Variants in DOCK7 observed in about 807,000 individuals in gnomAD.
The protein encoded by DOCK7 is dedicator of cytokinesis protein 7.
DOCK7 carries 138 observed loss-of-function variants against 271.0 expected under a neutral mutation model. That is an observed-to-expected ratio of 0.51 (90% CI 0.44 to 0.59). The LOEUF is 0.59. DOCK7 is among the 20% of genes least tolerant of loss of function. DOCK7 has a pLI of 0.00. For missense variants in DOCK7, 2,066 were observed against 2,592.4 expected, an observed-to-expected ratio of 0.80 and a Z score of 4.41; for synonymous variants, 823 against 876.1, an observed-to-expected ratio of 0.94 and a Z score of 1.07.
intron 14 of DOCK7, among the ~76,000 whole-genome samples, chr1:62,600,273 T>C (rs946891580): frequency 6.6e-6 from 1 of 151,748 alleles, no homozygotes; most frequent in South Asian, 2.1e-4. Context: ...CATTTAACTT[T>C]CTCATATTTA....
chr1:62,672,724 T>G (rs1268404345), intron 1 of DOCK7, among the ~76,000 whole-genome samples: 3 of 152,124 alleles, frequency 2.0e-5, no homozygotes, highest in Non-Finnish European at 4.4e-5. Context: ...ATTTTATAAT[T>G]AAAAAATAGA....
At chr1:62,663,374 T>C (rs1658907265) in intron 1 of DOCK7, among the ~76,000 whole-genome samples, 1 of 152,172 alleles carries the variant, frequency 6.6e-6, no homozygotes, top group South Asian at 2.1e-4. Context: ...AGGTTTTTTC[T>C]TATATGGCAT....
chr1:62,602,388 G>T, intron 14 of DOCK7: 1 of 1,606,084 alleles, frequency 6.2e-7, no homozygotes, highest in Non-Finnish European at 8.5e-7. Context: ...ATGGTAAGGG[G>T]ACTACATTCA....
intron 1 of DOCK7, among the ~76,000 whole-genome samples, chr1:62,665,579 G>T (rs1453911874): frequency 6.6e-6 from 1 of 150,780 alleles, no homozygotes; most frequent in Non-Finnish European, 1.5e-5. Context: ...TGGTGCCTTG[G>T]CTGTAGTCCC....
chr1:62,485,643 A>C (rs1322181830), intron 43 of DOCK7: 1 of 985,320 alleles, frequency 1.0e-6, no homozygotes, highest in Non-Finnish European at 1.2e-6. Flanking sequence ...AAAAATATAC[A>C]CAAGATAGAA....
chr1:62,591,506 T>C (rs1648446094), intron 14 of DOCK7, among the ~76,000 whole-genome samples: 1 of 151,964 alleles, frequency 6.6e-6, no homozygotes, highest in Admixed American at 6.6e-5. Context: ...TTAAAAAAAG[T>C]ATTAATCTAC....
chr1:62,536,211 A>G (rs1401217215), intron 28 of DOCK7, among the ~76,000 whole-genome samples: 1 of 152,164 alleles, frequency 6.6e-6, no homozygotes, highest in Non-Finnish European at 1.5e-5. Context: ...GCAACAATAG[A>G]TTTCACATTT....
intron 21 of DOCK7, among the ~76,000 whole-genome samples, chr1:62,553,625 T>G (rs1364709801): frequency 6.6e-6 from 1 of 151,034 alleles, no homozygotes; most frequent in Non-Finnish European, 1.5e-5. Context: ...CCTCCTCTCT[T>G]GGCCTCCTTG....
chr1:62,571,949 C>A (rs1646794738), intron 18 of DOCK7, among the ~76,000 whole-genome samples: 1 of 152,098 alleles, frequency 6.6e-6, no homozygotes. Flanking sequence ...ATAGCTAATG[C>A]ATGCTGGGCT....
At position 62,504,839 on chromosome 1, in the gene DOCK7, A is replaced by C. The variant is rs1338681567; in HGVS notation, c.4612-57T>G. On this transcript the variant is annotated intron_variant, in intron 36 of 49. Coordinates refer to ENST00000635253, the MANE Select transcript of DOCK7 (RefSeq NM_001367561.1). ...TTTTTACAGTAAAAGTTTCTGAGAT[A>C]TGTTAATATAACCTGAACTGGAGAC... is the stretch of plus-strand genomic sequence containing the variant. 4 of 1,579,004 alleles carry C rather than the reference A, an allele frequency of 2.5e-6. No individual in the cohort carries two copies. In the East Asian group the frequency reaches 6.8e-5, roughly 27 times the overall value.
intron 42 of DOCK7, 150 bp from the exon 43 acceptor site, chr1:62,487,562 C>T (rs1336880019): frequency 1.2e-5 from 7 of 605,620 alleles, no homozygotes; most frequent in South Asian, 6.5e-5. Flanking sequence ...TTAAGACCTG[C>T]AATAATTTCA....
intron 8 of DOCK7, among the ~76,000 whole-genome samples, chr1:62,636,251 G>T (rs1340693194): frequency 6.6e-6 from 1 of 152,126 alleles, no homozygotes. Context: ...CATTCCTATT[G>T]TTATGTACTG....
intron 18 of DOCK7, among the ~76,000 whole-genome samples, chr1:62,572,124 G>A (rs1646801618): frequency 6.6e-6 from 1 of 152,128 alleles, no homozygotes; most frequent in Non-Finnish European, 1.5e-5. Flanking sequence ...AACATTATCT[G>A]AAAACTGTTA....
At chr1:62,488,700 T>C in intron 42 of DOCK7, 1 of 473,526 alleles carries the variant, frequency 2.1e-6, no homozygotes, top group Non-Finnish European at 3.7e-6. Context: ...AATTCAAAAA[T>C]GAAAAAAAAA....
intron 15 of DOCK7, chr1:62,584,577 TA>T: frequency 8.3e-7 from 1 of 1,205,040 alleles, no homozygotes; most frequent in South Asian, 2.7e-5. Context: ...ATAACTTGTT[TA>T]TTTTCATAAT....
chr1:62,672,690 T>G (rs569598154), intron 1 of DOCK7, among the ~76,000 whole-genome samples: 2 of 152,244 alleles, frequency 1.3e-5, no homozygotes, highest in Non-Finnish European at 2.9e-5. Flanking sequence ...CTTTCTGTAT[T>G]TCTAAATTCT....
intron 31 of DOCK7, among the ~76,000 whole-genome samples, chr1:62,515,022 A>T (rs138245455): frequency 6.6e-6 from 1 of 152,264 alleles, no homozygotes; most frequent in Non-Finnish European, 1.5e-5. Flanking sequence ...CTACCTCACC[A>T]ATCTTCCTTC....
intron 14 of DOCK7, chr1:62,602,345 G>C (rs1192056487): frequency 6.2e-7 from 1 of 1,610,818 alleles, no homozygotes; most frequent in Admixed American, 1.7e-5. Flanking sequence ...AATGAAACGT[G>C]GGAGAACTAC....
At position 62,688,315 on chromosome 1, in the gene DOCK7, G is replaced by A. The variant is rs899812433; in HGVS notation, c.-51C>T. On this transcript the variant is annotated 5_prime_UTR_variant, in exon 1 of 50. Coordinates refer to ENST00000635253, the MANE Select transcript of DOCK7 (RefSeq NM_001367561.1). The stretch of plus-strand genomic sequence containing the variant: ...GCGGCGGCTGCGGCGGGCCGGGTGC[G>A]GACCGGCGGGCGCGTGCCTCCTCGC... 1.7e-6 allele frequency: 2 copies of A among 1,157,094 alleles called. No individual in the cohort carries two copies. The highest frequency in any genetic ancestry group is 2.2e-6 in the Non-Finnish European group (2 of 929,380). 71.7% of individuals were successfully genotyped at this position (1,157,094 alleles called of 1,614,324 possible). A position where few individuals can be genotyped will look rare whatever the true frequency, so the allele number is the denominator to read the frequency against.
Sources: allele counts gnomAD v4.1 joint callset (sites outside exome capture counted in the v4.1 genomes callset), GRCh38; gene constraint gnomAD v4.1.1; transcripts MANE v1.5; gene names NCBI Gene and HGNC (gene_info 2026-07-23, HGNC 2026-07-21).